The following ITPR2 variants were observed in gnomAD, a reference collection of about 807,000 sequenced individuals.
The protein encoded by ITPR2 is inositol 1,4,5-trisphosphate-gated calcium channel ITPR2.
Under a neutral mutation model 317.1 loss-of-function variants are expected in ITPR2, and 207 were observed. That is an observed-to-expected ratio of 0.65 (90% CI 0.58 to 0.73). The LOEUF (loss-of-function observed/expected upper bound fraction) is 0.73. ITPR2 is among the 30% of genes least tolerant of loss of function. The probability of loss-of-function intolerance (pLI) is 0.00; values close to 1 mark genes in which losing one functional copy is unlikely to be tolerated. For synonymous variants in ITPR2, 1,156 were observed against 1,149.1 expected (o/e 1.01, Z -0.12); for missense variants, 2,613 against 3,284.0 (o/e 0.80, Z 4.99).
intron 54 of ITPR2, among the ~76,000 whole-genome samples, chr12:26,396,176 T>A (rs1376149238): frequency 6.6e-6 from 1 of 151,964 alleles, no homozygotes; most frequent in African/African-American, 2.4e-5. Context: ...TGGTGATAGC[T>A]GTCACATAAA....
chr12:26,492,895 A>ATGTGTG (rs36164391), intron 39 of ITPR2, among the ~76,000 whole-genome samples: 7 of 140,664 alleles, frequency 5.0e-5, no homozygotes, highest in African/African-American at 1.9e-4. Context: ...ATTGCACGAT[A>ATGTGTG]TGTGTGTGTG....
intron 46 of ITPR2, among the ~76,000 whole-genome samples, chr12:26,441,272 T>TA (rs1473901461): frequency 6.6e-6 from 1 of 152,172 alleles, no homozygotes; most frequent in Non-Finnish European, 1.5e-5. Context: ...AATTCCTTCT[T>TA]AGATGGGTGA....
At chr12:26,492,575 A>G (rs1434647343) in intron 39 of ITPR2, among the ~76,000 whole-genome samples, 1 of 152,196 alleles carries the variant, frequency 6.6e-6, no homozygotes, top group Non-Finnish European at 1.5e-5. Flanking sequence ...TCCTGGTTTA[A>G]GTCTGAATAG....
chr12:26,662,117 T>C (rs1053753301), intron 15 of ITPR2, among the ~76,000 whole-genome samples: 6 of 152,216 alleles, frequency 3.9e-5, no homozygotes, highest in African/African-American at 9.6e-5. Flanking sequence ...TGTTTTTATA[T>C]ACTCTTTTCA....
At chr12:26,575,495 A>G (rs1431781219) in intron 34 of ITPR2, among the ~76,000 whole-genome samples, 1 of 152,094 alleles carries the variant, frequency 6.6e-6, no homozygotes, top group Non-Finnish European at 1.5e-5. Context: ...GGAAGGGACC[A>G]ACAAGGAAAA....
chr12:26,612,840 A>T (rs1246099279), intron 26 of ITPR2, among the ~76,000 whole-genome samples: 1 of 152,232 alleles, frequency 6.6e-6, no homozygotes, highest in African/African-American at 2.4e-5. Flanking sequence ...AGTCATTGCA[A>T]ATACAAATCG....
chr12:26,661,814 G>A (rs949501831), intron 15 of ITPR2, among the ~76,000 whole-genome samples: 3 of 152,126 alleles, frequency 2.0e-5, no homozygotes, highest in Non-Finnish European at 4.4e-5. Flanking sequence ...TAAAAACTCA[G>A]GGTCCGATAC....
intron 2 of ITPR2, among the ~76,000 whole-genome samples, chr12:26,772,520 T>TTATTATATATAATACATG (rs1949882255): frequency 1.3e-5 from 1 of 79,934 alleles, no homozygotes; most frequent in Non-Finnish European, 3.1e-5. Flanking sequence ...ATATAATACA[T>TTATTATATATAATACATG]TATTATATAT....
At chr12:26,745,527 G>T (rs1458440510) in intron 2 of ITPR2, among the ~76,000 whole-genome samples, 5 of 152,204 alleles carry the variant, frequency 3.3e-5, no homozygotes, top group African/African-American at 1.2e-4. Context: ...TTCATTGTTT[G>T]AAGAAGCACG....
chr12:26,753,589 G>A (rs1359547832), intron 2 of ITPR2, among the ~76,000 whole-genome samples: 4 of 152,166 alleles, frequency 2.6e-5, no homozygotes, highest in East Asian at 1.9e-4. Context: ...CCTCTCTCTC[G>A]CTCATTCTGT....
At chr12:26,538,783 G>C (rs1005893106) in intron 37 of ITPR2, among the ~76,000 whole-genome samples, 3 of 151,994 alleles carry the variant, frequency 2.0e-5, no homozygotes, top group African/African-American at 7.2e-5. Flanking sequence ...CACCGTGCTG[G>C]CCAGGCTGGT....
intron 30 of ITPR2, among the ~76,000 whole-genome samples, chr12:26,598,056 A>G (rs1054227558): frequency 2.6e-5 from 4 of 152,170 alleles, no homozygotes; most frequent in African/African-American, 9.7e-5. Context: ...ACTTCACCCA[A>G]CAGTATCATA....
At chr12:26,741,244 G>A (rs1949224566) in intron 2 of ITPR2, among the ~76,000 whole-genome samples, 1 of 152,252 alleles carries the variant, frequency 6.6e-6, no homozygotes, top group Non-Finnish European at 1.5e-5. Flanking sequence ...GCCTGGGAGG[G>A]CCCAGCTCAA....
intron 1 of ITPR2, among the ~76,000 whole-genome samples, chr12:26,812,236 C>T (rs1950764695): frequency 6.6e-6 from 1 of 151,708 alleles, no homozygotes; most frequent in African/African-American, 2.4e-5. Flanking sequence ...GATTCAATTC[C>T]TGCTAATAAA....
intron 30 of ITPR2, among the ~76,000 whole-genome samples, chr12:26,598,082 T>C (rs1458878751): frequency 1.3e-5 from 2 of 152,240 alleles, no homozygotes; most frequent in Non-Finnish European, 2.9e-5. Flanking sequence ...GGTTTCACTG[T>C]TGCTGCTTCC....
chr12:26,768,435 TAAAAAATA>T (rs1949769203), intron 2 of ITPR2, among the ~76,000 whole-genome samples: 6 of 27,722 alleles, frequency 2.2e-4, no homozygotes, highest in African/African-American at 7.2e-4. Flanking sequence ...TAAAAAAAAA[TAAAAAATA>T]AAAAATAAAA....
chr12:26,715,290 T>G lies in ITPR2; in HGVS notation c.855+9A>C. 1 of 1,604,152 alleles carries G rather than the reference T, an allele frequency of 6.2e-7. No individual in the cohort carries two copies. The highest frequency in any genetic ancestry group is 8.5e-7 in the Non-Finnish European group (1 of 1,176,204). On this transcript the variant is annotated intron_variant, in intron 8 of 56. Coordinates refer to ENST00000381340, the MANE Select transcript of ITPR2 (RefSeq NM_002223.4). ...AATATTTATTAAGTGCCAAAAAACA[T>G]TTACATACCTCTATTTCCCAGAGTG...
At chr12:26,546,637 C>T (rs1213219565) in intron 37 of ITPR2, among the ~76,000 whole-genome samples, 1 of 151,870 alleles carries the variant, frequency 6.6e-6, no homozygotes, top group Non-Finnish European at 1.5e-5. Flanking sequence ...ATCAAATTAT[C>T]TAACTTATAA....
At chr12:26,701,431 T>A (rs1948444733) in intron 9 of ITPR2, among the ~76,000 whole-genome samples, 1 of 152,224 alleles carries the variant, frequency 6.6e-6, no homozygotes, top group Admixed American at 6.5e-5. Flanking sequence ...ACGACTGGCA[T>A]TTCAGGACAA....
Sources: gnomAD v4.1 joint callset for allele counts (sites outside exome capture counted in the v4.1 genomes callset) on GRCh38, gnomAD v4.1.1 for gene constraint, MANE v1.5 for transcripts, NCBI Gene and HGNC (gene_info 2026-07-23, HGNC 2026-07-21) for gene names.